Variants in CDH18 observed in about 807,000 individuals in gnomAD.
The protein encoded by CDH18 is cadherin-18.
A neutral mutation model predicts 67.9 loss-of-function variants in CDH18; 31 were observed. The ratio of observed to expected loss-of-function variants is 0.46; its 90% CI spans 0.34 to 0.62. The LOEUF is 0.62. Ranked by LOEUF, CDH18 falls within the 20% of genes least tolerant of loss-of-function variation. The pLI, the probability that CDH18 is intolerant of heterozygous loss-of-function variation, is 0.01. For missense variants in CDH18, 890 were observed against 975.5 expected (o/e 0.91, Z 1.17); for synonymous variants, 362 against 347.2 (o/e 1.04, Z -0.48).
At chr5:20,107,111 C>T (rs1449658808) in intron 2 of CDH18, among the ~76,000 whole-genome samples, 2 of 142,610 alleles carry the variant, frequency 1.4e-5, no homozygotes, top group East Asian at 4.1e-4. Context: ...GACGGAGTCT[C>T]GCTCTGTCGC....
chr5:19,993,884 C>T (rs1412779476), intron 2 of CDH18, among the ~76,000 whole-genome samples: 2 of 152,132 alleles, frequency 1.3e-5, no homozygotes, highest in East Asian at 3.9e-4. Context: ...CGTAAATTTT[C>T]ATGTTTGTTT....
intron 3 of CDH18, among the ~76,000 whole-genome samples, chr5:19,785,467 A>G (rs2149794016): frequency 6.6e-6 from 1 of 150,694 alleles, no homozygotes; most frequent in East Asian, 2.0e-4. Flanking sequence ...AGCCTAACCA[A>G]CATGGAGAAA....
chr5:19,994,991 C>T (rs1052601464), intron 2 of CDH18, among the ~76,000 whole-genome samples: 2 of 150,416 alleles, frequency 1.3e-5, no homozygotes, highest in Admixed American at 1.3e-4. Context: ...ATTTCCAGTC[C>T]AAACGTGAAG....
rs532510670 is a variant in CDH18 at position 20,223,898 on chromosome 5, A to G, written c.-518+31546T>C. On this transcript the variant is annotated intron_variant, in intron 2 of 14. Transcript: ENST00000507958. ...CCATATGGAACTGTGAGTTAATTAA[A>G]CATCTTTCCTTCATAAATTAAAAAA... Among the ~76,000 whole-genome samples, 109 of 152,180 alleles carry G rather than the reference A, an allele frequency of 7.2e-4. 1 individual carries two copies. The highest frequency in any genetic ancestry group is 2.5e-3 in the African/African-American group (102 of 41,536).
chr5:19,629,246 C>G lies in CDH18; in HGVS notation c.644-16645G>C, dbSNP rs138501794. Among the ~76,000 whole-genome samples, 12 of 152,176 alleles carry G rather than the reference C, an allele frequency of 7.9e-5. No homozygotes were observed. The East Asian group carries it at 2.3e-3, about 29-fold the overall frequency. ...TAAGTATCTGAGTCAGTGGGGAAAC[C>G]TCTACAAGATGAGAAGTATCAGGTA... On this transcript the variant is annotated intron_variant, in intron 5 of 12. Coordinates refer to ENST00000382275, the MANE Select transcript of CDH18 (RefSeq NM_004934.5).
chr5:20,138,639 C>T (rs1013627728), intron 2 of CDH18, among the ~76,000 whole-genome samples: 1 of 152,074 alleles, frequency 6.6e-6, no homozygotes, highest in East Asian at 1.9e-4. Context: ...AATCAATGTG[C>T]AAAAATCATA....
chr5:19,659,651 T>G (rs1756896233), intron 5 of CDH18, among the ~76,000 whole-genome samples: 2 of 152,116 alleles, frequency 1.3e-5, no homozygotes, highest in Non-Finnish European at 2.9e-5. Flanking sequence ...GCTGCACCCT[T>G]ATGAGCGGGA....
intron 1 of CDH18, among the ~76,000 whole-genome samples, chr5:20,419,505 T>C (rs1747671710): frequency 7.6e-6 from 1 of 131,024 alleles, no homozygotes; most frequent in Admixed American, 8.7e-5. Context: ...AGATGGAGTC[T>C]CGCTCTGTCG....
intron 2 of CDH18, among the ~76,000 whole-genome samples, chr5:20,186,234 G>T (rs1418965368): frequency 1.3e-5 from 2 of 151,902 alleles, no homozygotes; most frequent in Non-Finnish European, 2.9e-5. Flanking sequence ...CATGGCATTG[G>T]ATTTGGCAAT....
chr5:19,613,874 A>C (rs1284637222), intron 5 of CDH18, among the ~76,000 whole-genome samples: 1 of 152,152 alleles, frequency 6.6e-6, no homozygotes, highest in Non-Finnish European at 1.5e-5. Flanking sequence ...CTATATATGC[A>C]TATAATTATA....
intron 6 of CDH18, among the ~76,000 whole-genome samples, chr5:19,607,009 C>G (rs976840734): frequency 1.3e-5 from 2 of 151,470 alleles, no homozygotes. Flanking sequence ...TGGTAAACAG[C>G]AAATTATATT....
intron 6 of CDH18, among the ~76,000 whole-genome samples, chr5:19,609,439 C>T (rs1748597785): frequency 6.6e-6 from 1 of 151,906 alleles, no homozygotes; most frequent in Non-Finnish European, 1.5e-5. Flanking sequence ...GACAAGCAGC[C>T]TGTTTCCTCC....
chr5:19,831,796 A>G lies in CDH18; in HGVS notation c.228+6963T>C, dbSNP rs145756721. 6.7e-3 allele frequency among the ~76,000 whole-genome samples: 1,026 copies of G among 152,256 alleles called. 7 individuals carry two copies. Among genetic ancestry groups the G allele is most frequent in the Non-Finnish European group, 0.011 (717 of 67,986 alleles). ...ATAAATTGTTCTAACAAAAAGACAA[A>G]TACACCCATATGTTCATTGCAGCAC... On this transcript the variant is annotated intron_variant, in intron 3 of 12. Transcript: ENST00000382275.
Position 20,376,107 on chromosome 5 carries a change from T to TTTTTTTTTTTTTTTTTTG in CDH18, c.-579-120603_-579-120602insCAAAAAAAAAAAAAAAAA, listed in dbSNP as rs1318320616. Among the ~76,000 whole-genome samples, 49 of 112,936 alleles carry TTTTTTTTTTTTTTTTTTG rather than the reference T, an allele frequency of 4.3e-4. 3 individuals are homozygous for TTTTTTTTTTTTTTTTTTG. Among genetic ancestry groups the TTTTTTTTTTTTTTTTTTG allele is most frequent in the African/African-American group, 1.5e-3 (49 of 32,624 alleles). 74.1% of individuals were successfully genotyped at this position (112,936 alleles called of 152,430 possible). On this transcript the variant is annotated intron_variant, in intron 1 of 14. Coordinates refer to the CDH18 transcript ENST00000507958. ...AAAGAAACAATTTTTTTTTTTTTTT[T>TTTTTTTTTTTTTTTTTTG]TTTTGAGACGGAGTCTCCCTCTGTC...
intron 7 of CDH18, among the ~76,000 whole-genome samples, chr5:19,582,607 A>G (rs1388930032): frequency 6.6e-6 from 1 of 152,094 alleles, no homozygotes; most frequent in Non-Finnish European, 1.5e-5. Context: ...ATAAGAATAT[A>G]AAACAGAAAC....
chr5:20,381,933 A>C (rs1743937904), intron 1 of CDH18, among the ~76,000 whole-genome samples: 2 of 152,128 alleles, frequency 1.3e-5, no homozygotes, highest in Non-Finnish European at 2.9e-5. Flanking sequence ...AAATATAATA[A>C]TTAAAAATGA....
At chr5:19,492,589 T>C (rs1741643994) in intron 11 of CDH18, among the ~76,000 whole-genome samples, 1 of 152,096 alleles carries the variant, frequency 6.6e-6, no homozygotes, top group Admixed American at 6.5e-5. Flanking sequence ...TTTTTGTTGT[T>C]TTAGAAAATA....
chr5:19,698,811 T>C (rs553189189), intron 5 of CDH18, among the ~76,000 whole-genome samples: 42 of 152,214 alleles, frequency 2.8e-4, no homozygotes, highest in Admixed American at 5.9e-4. Flanking sequence ...GGATAGGTGA[T>C]TACACCATTT....
At chr5:20,352,686 G>C (rs939312942) in intron 1 of CDH18, among the ~76,000 whole-genome samples, 2 of 151,318 alleles carry the variant, frequency 1.3e-5, no homozygotes, top group Admixed American at 6.6e-5. Context: ...CCCAGCTATC[G>C]GGAGGCTGAG....
Sources: allele counts gnomAD v4.1 joint callset (sites outside exome capture counted in the v4.1 genomes callset), GRCh38; gene constraint gnomAD v4.1.1; transcripts MANE v1.5; gene names NCBI Gene and HGNC (gene_info 2026-07-23, HGNC 2026-07-21).